CCDC57: variants seen among roughly 807,000 people sequenced by gnomAD.
CCDC57 encodes coiled-coil domain containing 57, also known as coiled-coil domain-containing protein 57.
A neutral mutation model predicts 118.9 loss-of-function variants in CCDC57; 118 were observed. The ratio of observed to expected loss-of-function variants is 0.99; its 90% CI spans 0.86 to 1.16. CCDC57 has a LOEUF of 1.16. Ranked by LOEUF, CCDC57 falls within the 50% of genes most tolerant of loss-of-function variation. The pLI, the probability that CCDC57 is intolerant of heterozygous loss-of-function variation, is 0.00. For synonymous variants in CCDC57, 527 were observed against 532.9 expected (o/e 0.99, Z 0.15); for missense variants, 1,300 against 1,320.7 (o/e 0.98, Z 0.24).
At chr17:82,121,449 G>A (rs754876117) in intron 19 of CCDC57, among the ~76,000 whole-genome samples, 1 of 152,194 alleles carries the variant, frequency 6.6e-6, no homozygotes, top group Admixed American at 6.5e-5. Context: ...TAAGACAGGC[G>A]CCTGGAGCCG....
chr17:82,130,589 AC>A (rs1568196723), intron 17 of CCDC57, among the ~76,000 whole-genome samples: 1 of 100,656 alleles, frequency 9.9e-6, no homozygotes, highest in Non-Finnish European at 1.9e-5. Context: ...TGCAACCTCC[AC>A]CTCCTGGGTT....
chr17:82,104,494 C>A (rs1382293425), intron 19 of CCDC57, among the ~76,000 whole-genome samples: 1 of 152,228 alleles, frequency 6.6e-6, no homozygotes, highest in Non-Finnish European at 1.5e-5. Context: ...CCAGGCTGGG[C>A]TCCGTCCCCT....
In CCDC57 at chr17:82,157,522, C is replaced by A. The variant is rs8076851; in HGVS notation, c.2241+226G>T. On this transcript the variant is annotated intron_variant, in intron 15 of 19. Coordinates refer to ENST00000665763, the Ensembl canonical transcript of CCDC57. ...CCCGTCCCGCCCCCCACCAACGGGG[C>A]ATCAAGGTGAAGGACCAGGAGAAGA... 5,019 of 1,424,258 alleles carry A rather than the reference C, an allele frequency of 3.5e-3. 16 individuals carry two copies. Among genetic ancestry groups the A allele is most frequent in the South Asian group, 8.4e-3 (548 of 65,418 alleles). 88.2% of individuals were successfully genotyped at this position (1,424,258 alleles called of 1,614,324 possible).
At chr17:82,163,900 T>C (rs6502074) in intron 13 of CCDC57, among the ~76,000 whole-genome samples, 72,477 of 151,956 alleles carry the variant, frequency 0.48, 18,082 homozygotes, top group East Asian at 0.88. Context: ...AGGGGCCAGG[T>C]GCAGTGGCCC....
At chr17:82,120,483 C>T (rs1166628345) in intron 19 of CCDC57, among the ~76,000 whole-genome samples, 3 of 152,224 alleles carry the variant, frequency 2.0e-5, no homozygotes, top group African/African-American at 7.2e-5. Context: ...GGCGCAGTGT[C>T]GCATCTTAAC....
chr17:82,161,802 G>T (rs1445640831), intron 14 of CCDC57, among the ~76,000 whole-genome samples: 1 of 152,134 alleles, frequency 6.6e-6, no homozygotes, highest in Non-Finnish European at 1.5e-5. Context: ...GGGGAGAAAA[G>T]CTCCGGTAAT....
intron 17 of CCDC57, among the ~76,000 whole-genome samples, chr17:82,132,627 T>G (rs1356537400): frequency 6.6e-6 from 1 of 152,118 alleles, no homozygotes; most frequent in Non-Finnish European, 1.5e-5. Flanking sequence ...GCTGTGTTGC[T>G]CTGGCGGGTC....
chr17:82,132,106 G>A (rs6502063), intron 17 of CCDC57, among the ~76,000 whole-genome samples: 67,709 of 141,034 alleles, frequency 0.48, 16,913 homozygotes, highest in East Asian at 0.88. Context: ...GTGACAGAGC[G>A]AGACTCTGTC....
intron 7 of CCDC57, among the ~76,000 whole-genome samples, chr17:82,190,652 A>G (rs2146672939): frequency 6.9e-6 from 1 of 144,522 alleles, no homozygotes; most frequent in East Asian, 2.0e-4. Flanking sequence ...CTGAGATTGC[A>G]CCACTGCACC....
chr17:82,200,343 G>A (rs952930813), intron 3 of CCDC57, among the ~76,000 whole-genome samples: 1 of 152,214 alleles, frequency 6.6e-6, no homozygotes, highest in Non-Finnish European at 1.5e-5. Flanking sequence ...AGCAGTGTGC[G>A]CAGGTGGCTC....
At chr17:82,164,236 C>A (rs1316664087) in intron 13 of CCDC57, among the ~76,000 whole-genome samples, 1 of 151,940 alleles carries the variant, frequency 6.6e-6, no homozygotes, top group Non-Finnish European at 1.5e-5. Context: ...CAAAAATTAG[C>A]CAGGCGTGGT....
intron 19 of CCDC57, chr17:82,126,647 G>A: frequency 1.0e-6 from 1 of 985,388 alleles, no homozygotes; most frequent in Non-Finnish European, 1.2e-6. Context: ...GCTGCTGGGA[G>A]CAGCCTCTGG....
chr17:82,204,414 T>C (rs868194636), intron 2 of CCDC57, among the ~76,000 whole-genome samples: 1 of 152,316 alleles, frequency 6.6e-6, no homozygotes, highest in South Asian at 2.1e-4. Flanking sequence ...CACCACAGTG[T>C]CTTACCACAA....
chr17:82,162,888 CA>C (rs149056082), intron 14 of CCDC57, among the ~76,000 whole-genome samples: 3 of 150,206 alleles, frequency 2.0e-5, no homozygotes, highest in African/African-American at 4.9e-5. Context: ...GGGCAGCCCG[CA>C]CACACGCCCC....
At chr17:82,195,910 C>A (rs2146785212) in intron 4 of CCDC57, among the ~76,000 whole-genome samples, 1 of 152,306 alleles carries the variant, frequency 6.6e-6, no homozygotes, top group East Asian at 1.9e-4. Context: ...CCAAAGCTGC[C>A]ACGTTAAAAC....
chr17:82,128,922 GTTTTT>G (rs765506600), intron 17 of CCDC57, among the ~76,000 whole-genome samples: 1 of 147,638 alleles, frequency 6.8e-6, no homozygotes, highest in African/African-American at 2.5e-5. Flanking sequence ...CTGCTTTTTT[GTTTTT>G]TTTTTTTTTG....
At chr17:82,131,800 G>A (rs961811764) in intron 17 of CCDC57, among the ~76,000 whole-genome samples, 4 of 151,514 alleles carry the variant, frequency 2.6e-5, no homozygotes, top group Admixed American at 6.6e-5. Flanking sequence ...GAAACACAAA[G>A]CAGTCTTGGC....
chr17:82,126,447 T>C (rs2037448377), intron 19 of CCDC57: 2 of 977,934 alleles, frequency 2.0e-6, no homozygotes, highest in African/African-American at 1.8e-5. Context: ...TTCTATCACA[T>C]ATAATGAGCT....
intron 19 of CCDC57, among the ~76,000 whole-genome samples, chr17:82,111,603 C>G (rs997835718): frequency 6.6e-6 from 1 of 151,176 alleles, no homozygotes; most frequent in African/African-American, 2.4e-5. Flanking sequence ...TATATGTTTT[C>G]TTGTTTTTTG....
Sources: allele counts gnomAD v4.1 joint callset (sites outside exome capture counted in the v4.1 genomes callset), GRCh38; gene constraint gnomAD v4.1.1; transcripts MANE v1.5; gene names NCBI Gene and HGNC (gene_info 2026-07-23, HGNC 2026-07-21).